ENTPD3: variants seen among roughly 807,000 people sequenced by gnomAD.
ENTPD3 encodes CD39 antigen-like 3.
A neutral mutation model predicts 51.2 loss-of-function variants in ENTPD3; 60 were observed. The observed-to-expected ratio is 1.17, with a 90% CI of 0.95 to 1.45. The LOEUF is 1.45. ENTPD3 is among the 40% of genes most tolerant of loss of function. ENTPD3 has a pLI of 0.00. For missense variants in ENTPD3, 593 were observed against 641.1 expected, an observed-to-expected ratio of 0.93 and a Z score of 0.81; for synonymous variants, 221 against 238.4, an observed-to-expected ratio of 0.93 and a Z score of 0.67.
At chr3:40,399,949 A>G (rs1955304589) in intron 3 of ENTPD3, among the ~76,000 whole-genome samples, 1 of 152,080 alleles carries the variant, frequency 6.6e-6, no homozygotes, top group Non-Finnish European at 1.5e-5. Context: ...GAATACTTTA[A>G]TTCTGAGCAC....
At chr3:40,391,006 A>C (rs1045514829) in intron 2 of ENTPD3, 2 of 152,150 alleles carry the variant, frequency 1.3e-5, no homozygotes, top group Non-Finnish European at 2.9e-5. Context: ...TCTGTCACCC[A>C]GGCTGGTGTG....
chr3:40,409,436 G>A (rs950792056), intron 4 of ENTPD3, among the ~76,000 whole-genome samples: 1 of 152,154 alleles, frequency 6.6e-6, no homozygotes, highest in African/African-American at 2.4e-5. Flanking sequence ...GCCCCAGGAG[G>A]GAAAATTACA....
At chr3:40,392,461 G>A (rs1414871884) in intron 3 of ENTPD3, 3 of 273,408 alleles carry the variant, frequency 1.1e-5, no homozygotes, top group Non-Finnish European at 2.0e-5. Flanking sequence ...TACCAGTTCA[G>A]CCAGGTGCGG....
chr3:40,422,235 T>C (rs1342287527), intron 7 of ENTPD3, among the ~76,000 whole-genome samples: 3 of 141,194 alleles, frequency 2.1e-5, no homozygotes, highest in Non-Finnish European at 4.5e-5. Context: ...GTATTTTTTG[T>C]TTCTCTCTTG....
intron 3 of ENTPD3, among the ~76,000 whole-genome samples, chr3:40,400,174 A>G (rs1955313223): frequency 1.3e-5 from 2 of 151,608 alleles, no homozygotes. Context: ...CTGAGGCAGG[A>G]GAATCACTTG....
intron 3 of ENTPD3, among the ~76,000 whole-genome samples, chr3:40,397,274 G>T (rs890161639): frequency 1.3e-5 from 2 of 152,006 alleles, no homozygotes; most frequent in Non-Finnish European, 2.9e-5. Flanking sequence ...TTACTGAACA[G>T]TCATGCCATT....
chr3:40,405,391 G>A (rs561550824), intron 4 of ENTPD3, among the ~76,000 whole-genome samples: 13 of 151,986 alleles, frequency 8.6e-5, no homozygotes, highest in African/African-American at 2.9e-4. Context: ...TATAATCCCA[G>A]CTTCTCGGGA....
At chr3:40,395,400 C>T (rs1271920610) in intron 3 of ENTPD3, among the ~76,000 whole-genome samples, 1 of 152,202 alleles carries the variant, frequency 6.6e-6, no homozygotes, top group Non-Finnish European at 1.5e-5. Context: ...ATGTTGAATG[C>T]TACTGTCTTA....
At chr3:40,403,852 T>G (rs1181154597) in intron 4 of ENTPD3, among the ~76,000 whole-genome samples, 1 of 151,982 alleles carries the variant, frequency 6.6e-6, no homozygotes, top group Non-Finnish European at 1.5e-5. Context: ...TCTCACTATG[T>G]TGCCCAGGCT....
In ENTPD3 at chr3:40,427,987, A is replaced by C. The variant is rs1575238699; in HGVS notation, c.*479A>C. On this transcript the variant is annotated 3_prime_UTR_variant, in exon 11 of 11. Transcript: ENST00000301825. ...CTTGTAGCAATCTCGTAAGCAGTGA[A>C]CCCCCTCAGATCAGTAGAATATAGT... 2 of 180,612 alleles carry C rather than the reference A, an allele frequency of 1.1e-5. No individual in the cohort carries two copies. The highest frequency in any genetic ancestry group is 2.4e-5 in the Non-Finnish European group (2 of 83,932). The allele number at this position is 180,612 out of a possible 1,614,324, so 11.2% of individuals were successfully genotyped here.
chr3:40,388,069 G>A lies in ENTPD3; in HGVS notation c.12G>A (p.Val4=), dbSNP rs1559505356. MFT[V]LTRQPCEQAG... ...AGCTAGGAGAAAAGATGTTCACTGTGCTGACCCGCCAACCATGTGAGCAAG... is the reference window on the plus strand; with the variant it reads ...AGCTAGGAGAAAAGATGTTCACTGTACTGACCCGCCAACCATGTGAGCAAG... The change falls in exon 2 of 11, where the codon GTG becomes GTA. Residue 4 remains valine (V), a synonymous_variant. Transcript: ENST00000301825. 6.2e-7 allele frequency: 1 copy of A among 1,614,008 alleles called. No individual in the cohort carries two copies. Among genetic ancestry groups the A allele is most frequent in the Admixed American group, 1.7e-5 (1 of 60,000 alleles).
chr3:40,410,239 G>A (rs576485976), intron 4 of ENTPD3, among the ~76,000 whole-genome samples: 2 of 152,196 alleles, frequency 1.3e-5, no homozygotes, highest in African/African-American at 2.4e-5. Flanking sequence ...CCAGGAGTTC[G>A]AGACCAGCCT....
chr3:40,411,001 A>AT (rs1454085085), intron 4 of ENTPD3, among the ~76,000 whole-genome samples: 2 of 152,110 alleles, frequency 1.3e-5, no homozygotes, highest in Middle Eastern at 3.2e-3. Flanking sequence ...TTAAGAAATT[A>AT]TTTTTTTGGC....
In ENTPD3 at chr3:40,411,968, G is replaced by A; in HGVS notation, c.437+6G>A. The stretch of plus-strand genomic sequence containing the variant: ...GCTGGGATGCGCTTGCTGAGGTAAA[G>A]GCTAAGTGGCACAAAGGAGCCCATT... On this transcript the variant is annotated splice_donor_region_variant and intron_variant, in intron 5 of 10. Coordinates refer to ENST00000301825, the MANE Select transcript of ENTPD3 (RefSeq NM_001248.4). The A allele has an allele frequency of 6.2e-7, 1 of 1,607,288 alleles. No homozygotes were observed. Among genetic ancestry groups the A allele is most frequent in the Non-Finnish European group, 8.5e-7 (1 of 1,177,274 alleles).
chr3:40,391,895 G>A lies in ENTPD3; in HGVS notation c.41-128G>A. 5 of 1,042,858 alleles carry A rather than the reference G, an allele frequency of 4.8e-6. No homozygotes were observed. In the African/African-American group the frequency reaches 8.0e-5, roughly 17 times the overall value. The allele number at this position is 1,042,858 out of a possible 1,614,324, so 64.6% of individuals were successfully genotyped here. Reference sequence around the variant, plus strand: ...TTTGCTACTCCATCTTAGAAGTGTGGGTCTCGCTAACACCAGAGAAGGTGG... The same window carrying A: ...TTTGCTACTCCATCTTAGAAGTGTGAGTCTCGCTAACACCAGAGAAGGTGG... On this transcript the variant is annotated intron_variant, in intron 2 of 10. Transcript: ENST00000301825.
chr3:40,410,735 C>T (rs556669223), intron 4 of ENTPD3, among the ~76,000 whole-genome samples: 29 of 151,716 alleles, frequency 1.9e-4, no homozygotes, highest in African/African-American at 5.6e-4. Context: ...TTCTTCAGGA[C>T]GAAGAAATTG....
At chr3:40,404,174 C>T (rs921844646) in intron 4 of ENTPD3, among the ~76,000 whole-genome samples, 1 of 151,974 alleles carries the variant, frequency 6.6e-6, no homozygotes, top group Non-Finnish European at 1.5e-5. Flanking sequence ...CACCTCATCC[C>T]TACTGTGTGA....
intron 3 of ENTPD3, among the ~76,000 whole-genome samples, chr3:40,397,627 GATA>G (rs1343743874): frequency 1.3e-5 from 2 of 152,088 alleles, no homozygotes; most frequent in Non-Finnish European, 2.9e-5. Flanking sequence ...TAGTAATAAT[GATA>G]ATAATAATAA....
chr3:40,388,194 G>A, intron 2 of ENTPD3, 97 bp downstream of exon 2: 3 of 1,145,694 alleles, frequency 2.6e-6, no homozygotes, highest in Non-Finnish European at 2.6e-6. Flanking sequence ...CCCTGCAAAT[G>A]ATTGTTTAAC....
Sources: allele counts gnomAD v4.1 joint callset (sites outside exome capture counted in the v4.1 genomes callset), GRCh38; gene constraint gnomAD v4.1.1; transcripts MANE v1.5; gene names NCBI Gene and HGNC (gene_info 2026-07-23, HGNC 2026-07-21).